Variants in NPSR1 observed in about 807,000 individuals in gnomAD.
The protein encoded by NPSR1 is neuropeptide S receptor 1, also known as neuropeptide S receptor.
Under a neutral mutation model 46.9 loss-of-function variants are expected in NPSR1, and 48 were observed. That is an observed-to-expected ratio of 1.02 (90% CI 0.81 to 1.30). The LOEUF is 1.30. Ranked by LOEUF, NPSR1 falls within the 50% of genes most tolerant of loss-of-function variation. NPSR1 has a pLI of 0.00. For synonymous variants in NPSR1, 176 were observed against 168.1 expected (o/e 1.05, Z -0.36); for missense variants, 450 against 449.5 (o/e 1.00, Z -0.01).
At chr7:34,721,059 C>T (rs1783832024) in intron 2 of NPSR1, among the ~76,000 whole-genome samples, 1 of 151,898 alleles carries the variant, frequency 6.6e-6, no homozygotes, top group South Asian at 2.1e-4. Context: ...TACTGTCATG[C>T]AAAGTTGTAG....
chr7:34,868,781 AG>A (rs1291906578), intron 8 of NPSR1, among the ~76,000 whole-genome samples: 1 of 151,640 alleles, frequency 6.6e-6, no homozygotes, highest in Non-Finnish European at 1.5e-5. Flanking sequence ...GCAGGCAGGC[AG>A]GGTCACTAGA....
intron 3 of NPSR1, among the ~76,000 whole-genome samples, chr7:34,792,593 GTA>G (rs1206473059): frequency 1.3e-4 from 17 of 127,774 alleles, no homozygotes; most frequent in African/African-American, 4.0e-4. Context: ...ATATATATAC[GTA>G]TATATGTGTG....
rs141941035 is a variant in NPSR1 at position 34,794,346 on chromosome 7, C to T, written c.384+15781C>T. ...TCATATCGTACCACATAAATATGTACGATTATTCTGGCTCAATTGAAAATA... is the reference window on the plus strand; with the variant it reads ...TCATATCGTACCACATAAATATGTATGATTATTCTGGCTCAATTGAAAATA... On this transcript the variant is annotated intron_variant, in intron 3 of 8. Transcript: ENST00000360581. 3.5e-3 allele frequency among the ~76,000 whole-genome samples: 528 copies of T among 151,940 alleles called. 3 individuals carry two copies. The highest frequency in any genetic ancestry group is 0.012 in the African/African-American group (510 of 41,452).
At chr7:34,753,833 C>G (rs1285643193) in intron 2 of NPSR1, 1 of 152,038 alleles carries the variant, frequency 6.6e-6, no homozygotes, top group African/African-American at 2.4e-5. Context: ...GAGACCCTGT[C>G]TCTACAAAAA....
chr7:34,694,050 A>T (rs964586047), intron 2 of NPSR1, among the ~76,000 whole-genome samples: 2 of 152,202 alleles, frequency 1.3e-5, no homozygotes, highest in African/African-American at 2.4e-5. Flanking sequence ...ATTATACTGA[A>T]TGAGGAAAAA....
intron 2 of NPSR1, among the ~76,000 whole-genome samples, chr7:34,771,518 G>A (rs995112644): frequency 2.6e-5 from 4 of 152,096 alleles, no homozygotes; most frequent in African/African-American, 9.7e-5. Flanking sequence ...TTCTGTGGGT[G>A]GAATAGCCCT....
At chr7:34,852,569 AG>A (rs1474040319), downstream of NPSR1, among the ~76,000 whole-genome samples, 1 of 152,144 alleles carries the variant, frequency 6.6e-6, no homozygotes, top group Non-Finnish European at 1.5e-5. Context: ...CCAATGACTC[AG>A]TGACTTAATG....
chr7:34,833,173 G>T (rs1382951642), intron 5 of NPSR1, among the ~76,000 whole-genome samples: 1 of 152,132 alleles, frequency 6.6e-6, no homozygotes, highest in Non-Finnish European at 1.5e-5. Flanking sequence ...CTGAAGCTCT[G>T]ATTTTTTAAA....
intron 5 of NPSR1, among the ~76,000 whole-genome samples, chr7:34,831,233 C>T (rs546886477): frequency 2.4e-4 from 36 of 151,786 alleles, no homozygotes; most frequent in Non-Finnish European, 3.7e-4. Flanking sequence ...TAAATTGCAC[C>T]GAACAACAGA....
At chr7:34,713,300 A>T (rs188138310) in intron 2 of NPSR1, among the ~76,000 whole-genome samples, 1 of 152,178 alleles carries the variant, frequency 6.6e-6, no homozygotes, top group Non-Finnish European at 1.5e-5. Flanking sequence ...GAGTCAGTAT[A>T]TTCGTAGTTT....
At chr7:34,854,855 A>G (rs918141553), downstream of NPSR1, among the ~76,000 whole-genome samples, 20 of 152,080 alleles carry the variant, frequency 1.3e-4, no homozygotes, top group African/African-American at 4.6e-4. Flanking sequence ...TCAAGCACAC[A>G]TGAAGCAGTT....
intron 1 of NPSR1, among the ~76,000 whole-genome samples, chr7:34,668,865 C>G (rs1425592746): frequency 6.6e-6 from 1 of 152,140 alleles, no homozygotes; most frequent in Non-Finnish European, 1.5e-5. Flanking sequence ...AGTTCATGGT[C>G]ACGTCTGGTA....
chr7:34,823,375 T>C (rs1789651239), intron 4 of NPSR1, among the ~76,000 whole-genome samples: 1 of 118,480 alleles, frequency 8.4e-6, no homozygotes, highest in South Asian at 2.8e-4. Context: ...CCTCTAGCAT[T>C]GGCAACAGAG....
chr7:34,830,710 C>A (rs906047215), intron 5 of NPSR1, among the ~76,000 whole-genome samples: 2 of 152,196 alleles, frequency 1.3e-5, no homozygotes, highest in African/African-American at 4.8e-5. Context: ...AGAAAAAGCA[C>A]AAATAACTAA....
intron 1 of NPSR1, among the ~76,000 whole-genome samples, chr7:34,680,083 T>C (rs1272359177): frequency 6.6e-6 from 1 of 152,158 alleles, no homozygotes; most frequent in Non-Finnish European, 1.5e-5. Flanking sequence ...GAGAAAACCT[T>C]ATTGATTTTA....
chr7:34,873,986 G>A (rs1011509331), intron 8 of NPSR1, among the ~76,000 whole-genome samples: 1 of 151,614 alleles, frequency 6.6e-6, no homozygotes, highest in African/African-American at 2.4e-5. Context: ...ACTCATACCT[G>A]TAAGGGCCAT....
chr7:34,820,485 G>T (rs77722578), intron 4 of NPSR1, among the ~76,000 whole-genome samples: 3,149 of 152,172 alleles, frequency 0.021, 49 homozygotes, highest in Non-Finnish European at 0.034. Flanking sequence ...GAGACATTTC[G>T]TGACATAGGT....
intron 2 of NPSR1, chr7:34,719,396 C>T (rs1478973789): frequency 4.6e-5 from 7 of 152,182 alleles, no homozygotes; most frequent in African/African-American, 1.4e-4. Flanking sequence ...AAGCGTTTTT[C>T]TCTCTCAGGA....
chr7:34,775,638 G>A (rs1312790866), intron 2 of NPSR1, among the ~76,000 whole-genome samples: 3 of 151,798 alleles, frequency 2.0e-5, no homozygotes, highest in Non-Finnish European at 4.4e-5. Context: ...TATTAGTCTG[G>A]CTAAAGGTTT....
Sources: allele counts gnomAD v4.1 joint callset (sites outside exome capture counted in the v4.1 genomes callset), GRCh38; gene constraint gnomAD v4.1.1; transcripts MANE v1.5; gene names NCBI Gene and HGNC (gene_info 2026-07-23, HGNC 2026-07-21).